PCSK6: variants seen among roughly 807,000 people sequenced by gnomAD.
PCSK6 encodes paired basic amino acid cleaving enzyme 4.
PCSK6 carries 85 observed loss-of-function variants against 123.3 expected under a neutral mutation model. That is an observed-to-expected ratio of 0.69 (90% CI 0.58 to 0.83). The LOEUF (loss-of-function observed/expected upper bound fraction) is 0.83. Ranked by LOEUF, PCSK6 falls within the 40% of genes least tolerant of loss-of-function variation. PCSK6 has a pLI of 0.00. For synonymous variants in PCSK6, 508 were observed against 516.0 expected (o/e 0.98, Z 0.21); for missense variants, 1,191 against 1,282.3 (o/e 0.93, Z 1.09).
At chr15:101,325,367 G>A (rs1271478482) in intron 16 of PCSK6, among the ~76,000 whole-genome samples, 5 of 152,342 alleles carry the variant, frequency 3.3e-5, no homozygotes, top group African/African-American at 4.8e-5. Flanking sequence ...TCTCTCGGGC[G>A]CCCTCAGGGA....
intron 1 of PCSK6, among the ~76,000 whole-genome samples, chr15:101,452,568 C>T (rs1019069788): frequency 2.6e-5 from 4 of 152,038 alleles, no homozygotes; most frequent in Non-Finnish European, 4.4e-5. Context: ...TGGGAAGATC[C>T]GGGGTGGCCC....
chr15:101,457,689 A>G (rs1440925814), intron 1 of PCSK6, among the ~76,000 whole-genome samples: 1 of 152,178 alleles, frequency 6.6e-6, no homozygotes, highest in Non-Finnish European at 1.5e-5. Flanking sequence ...GCCAAGGTGA[A>G]CAGTACAGGG....
intron 13 of PCSK6, among the ~76,000 whole-genome samples, chr15:101,358,035 C>CA (rs1479781135): frequency 6.6e-6 from 1 of 152,176 alleles, no homozygotes; most frequent in Admixed American, 6.5e-5. Context: ...TAGGGCAGGT[C>CA]ATCGCTGAGG....
chr15:101,453,500 G>A (rs973239281), intron 1 of PCSK6, among the ~76,000 whole-genome samples: 5 of 152,250 alleles, frequency 3.3e-5, no homozygotes, highest in African/African-American at 9.6e-5. Context: ...TGTCAGGGAG[G>A]AGGTGAGCCT....
At chr15:101,356,800 C>T (rs764454249) in intron 13 of PCSK6, among the ~76,000 whole-genome samples, 9 of 152,182 alleles carry the variant, frequency 5.9e-5, no homozygotes, top group Non-Finnish European at 1.2e-4. Context: ...GATTCACACT[C>T]GATTCCATTC....
At chr15:101,454,999 A>AAATAAATAAATAAAT in intron 1 of PCSK6, among the ~76,000 whole-genome samples, 1 of 148,838 alleles carries the variant, frequency 6.7e-6, no homozygotes, top group African/African-American at 2.6e-5. Flanking sequence ...AATAAATAAA[A>AAATAAATAAATAAAT]GGGTACAGAG....
chr15:101,459,840 T>C (rs1321802196), intron 1 of PCSK6, among the ~76,000 whole-genome samples: 2 of 151,858 alleles, frequency 1.3e-5, no homozygotes, highest in African/African-American at 4.8e-5. Context: ...TTCAACCACG[T>C]TCTCCTTAGA....
intron 19 of PCSK6, among the ~76,000 whole-genome samples, chr15:101,317,606 G>A (rs1350196395): frequency 2.0e-5 from 3 of 152,126 alleles, no homozygotes; most frequent in Non-Finnish European, 2.9e-5. Flanking sequence ...ATCCATTCCC[G>A]CCTCTCCCAA....
chr15:101,445,449 C>T (rs769808556), intron 1 of PCSK6, among the ~76,000 whole-genome samples: 9 of 152,170 alleles, frequency 5.9e-5, no homozygotes, highest in Non-Finnish European at 8.8e-5. Flanking sequence ...CACGGTTTTC[C>T]GCAATTCTGA....
intron 11 of PCSK6, among the ~76,000 whole-genome samples, chr15:101,373,674 G>C (rs1023198409): frequency 5.9e-5 from 9 of 152,100 alleles, no homozygotes; most frequent in South Asian, 2.1e-4. Flanking sequence ...AGAAAATAAG[G>C]AAGCCATCTA....
At chr15:101,425,141 G>A (rs1260380341) in intron 6 of PCSK6, among the ~76,000 whole-genome samples, 1 of 152,198 alleles carries the variant, frequency 6.6e-6, no homozygotes, top group Non-Finnish European at 1.5e-5. Context: ...GAGTGCTGAG[G>A]AGACAATTAC....
intron 1 of PCSK6, among the ~76,000 whole-genome samples, chr15:101,460,864 A>G (rs1356220538): frequency 6.6e-6 from 1 of 152,206 alleles, no homozygotes; most frequent in African/African-American, 2.4e-5. Context: ...TGAAAATACT[A>G]TTTAGGACAA....
intron 19 of PCSK6, among the ~76,000 whole-genome samples, chr15:101,316,924 T>TTTGTTTTG (rs1179696265): frequency 7.3e-6 from 1 of 137,698 alleles, no homozygotes; most frequent in African/African-American, 2.9e-5. Context: ...TTTTTTTTTT[T>TTTGTTTTG]TTTTTGACAG....
intron 13 of PCSK6, chr15:101,365,654 C>T (rs1349755108): frequency 6.5e-6 from 1 of 152,976 alleles, no homozygotes; most frequent in East Asian, 1.9e-4. Flanking sequence ...GTAGAAACAA[C>T]CCAAATGTCC....
intron 13 of PCSK6, among the ~76,000 whole-genome samples, chr15:101,361,148 A>G (rs568371452): frequency 1.1e-3 from 159 of 144,272 alleles, no homozygotes; most frequent in Admixed American, 2.4e-3. Context: ...AAATTTGCCT[A>G]TAGTTCTTTC....
At chr15:101,440,673 A>G (rs1291177255) in intron 2 of PCSK6, among the ~76,000 whole-genome samples, 1 of 152,198 alleles carries the variant, frequency 6.6e-6, no homozygotes, top group Non-Finnish European at 1.5e-5. Flanking sequence ...ATATTAAATC[A>G]TCTTTTCCTT....
chr15:101,305,390 A>C lies in PCSK6; in HGVS notation c.2813-35T>G, dbSNP rs769559615. On this transcript the variant is annotated intron_variant, in intron 21 of 21. Coordinates refer to ENST00000611716, the MANE Select transcript of PCSK6 (RefSeq NM_002570.5). This position sits in a 1 kb window ranked among gnomAD's most constrained non-coding sequence, Gnocchi z 4.8. ...CGCATCAGGAAAGGCAAAAGAGGGA[A>C]AGGTCAGTCTTCGGTGCCTGTGAAG... 1 of 1,567,926 alleles carries C rather than the reference A, an allele frequency of 6.4e-7. No individual in the cohort carries two copies. The highest frequency in any genetic ancestry group is 2.3e-5 in the East Asian group (1 of 44,428).
In PCSK6 at chr15:101,382,086, C is replaced by A; in HGVS notation, c.1532+6G>T. 1 of 1,590,998 alleles carries A rather than the reference C, an allele frequency of 6.3e-7. No homozygotes were observed. The highest frequency in any genetic ancestry group is 8.6e-7 in the Non-Finnish European group (1 of 1,166,216). On this transcript the variant is annotated splice_donor_region_variant and intron_variant, in intron 11 of 21. Coordinates refer to ENST00000611716, the MANE Select transcript of PCSK6 (RefSeq NM_002570.5). ...AGAAGTCACCGATGCCACAGCAGAG[C>A]CTTACCTGGGTCTCTTGTCCGAGGC...
chr15:101,480,724 G>A (rs1281717200), intron 1 of PCSK6, among the ~76,000 whole-genome samples: 1 of 152,212 alleles, frequency 6.6e-6, no homozygotes, highest in Admixed American at 6.5e-5. Flanking sequence ...GGGCACTAGT[G>A]GGGCCTTCAG....
Sources: gnomAD v4.1 joint callset for allele counts (sites outside exome capture counted in the v4.1 genomes callset) on GRCh38, gnomAD v4.1.1 for gene constraint, Gnocchi (gnomAD v3.1) non-coding constraint, MANE v1.5 for transcripts, NCBI Gene and HGNC (gene_info 2026-07-23, HGNC 2026-07-21) for gene names.